NEDD4L: variants seen among roughly 807,000 people sequenced by gnomAD.
The protein encoded by NEDD4L is E3 ubiquitin-protein ligase NEDD4-like.
NEDD4L carries 54 observed loss-of-function variants against 148.9 expected under a neutral mutation model. The ratio of observed to expected loss-of-function variants is 0.36; its 90% CI spans 0.29 to 0.45. The LOEUF (loss-of-function observed/expected upper bound fraction) is 0.45, where lower values mean the gene tolerates loss of function less well. NEDD4L is among the 20% of genes least tolerant of loss of function. The pLI is 1.00. For missense variants in NEDD4L, 856 were observed against 1,233.8 expected (o/e 0.69, Z 4.59); for synonymous variants, 433 against 440.7 (o/e 0.98, Z 0.22).
At chr18:58,309,658 C>T (rs1431869170) in intron 5 of NEDD4L, among the ~76,000 whole-genome samples, 1 of 151,766 alleles carries the variant, frequency 6.6e-6, no homozygotes, top group Non-Finnish European at 1.5e-5. Flanking sequence ...CCCCCAGTTT[C>T]CTGGGTCTTA....
rs141645124 is a variant in NEDD4L at position 58,364,213 on chromosome 18, A to G, written c.1768-55A>G. On this transcript the variant is annotated intron_variant, in intron 19 of 30. Transcript: ENST00000400345. The stretch of plus-strand genomic sequence containing the variant: ...TCTCTTGAATGTTGCCTCAGTATAC[A>G]TAAAATTTCAGGTGTATTGTTTGCA... 8.8e-5 allele frequency: 94 copies of G among 1,062,634 alleles called. 1 individual carries two copies. Among genetic ancestry groups the G allele is most frequent in the Middle Eastern group, 7.0e-4 (3 of 4,304 alleles). 65.8% of individuals were successfully genotyped at this position (1,062,634 alleles called of 1,614,324 possible). A position where few individuals can be genotyped will look rare whatever the true frequency, so the allele number is the denominator to read the frequency against.
At chr18:58,307,481 A>G (rs879867756) in intron 5 of NEDD4L, among the ~76,000 whole-genome samples, 37 of 152,222 alleles carry the variant, frequency 2.4e-4, no homozygotes, top group Admixed American at 2.3e-3. Context: ...GCCAATGCCT[A>G]CATTGAGGCT....
intron 26 of NEDD4L, 65 bp downstream of exon 26, chr18:58,385,651 C>T (rs1196273610): frequency 1.9e-5 from 25 of 1,326,634 alleles, no homozygotes; most frequent in Non-Finnish European, 2.4e-5. Flanking sequence ...GGGGATCGCG[C>T]TTCTCCTTTA....
intron 2 of NEDD4L, among the ~76,000 whole-genome samples, chr18:58,236,188 C>A (rs1370766253): frequency 1.3e-5 from 2 of 151,700 alleles, no homozygotes; most frequent in Admixed American, 6.6e-5. Flanking sequence ...AACCTCGTCT[C>A]TACAAAAAAT....
chr18:58,245,227 A>G (rs1478693321), intron 2 of NEDD4L, among the ~76,000 whole-genome samples, 200 bp from the exon 3 acceptor site: 1 of 152,226 alleles, frequency 6.6e-6, no homozygotes. Flanking sequence ...TTCTAAGTAA[A>G]CATTATTGGC....
intron 1 of NEDD4L, among the ~76,000 whole-genome samples, chr18:58,131,796 ATTTTGTGTTT>A (rs1358285077): frequency 4.0e-5 from 6 of 151,444 alleles, no homozygotes; most frequent in Middle Eastern, 3.2e-3. Context: ...TCAAAGTTGG[ATTTTGTGTTT>A]TTTTGTGTGC....
chr18:58,359,256 C>T (rs1308009388), intron 19 of NEDD4L, among the ~76,000 whole-genome samples: 1 of 152,046 alleles, frequency 6.6e-6, no homozygotes, highest in Non-Finnish European at 1.5e-5. Context: ...GATATTTTAT[C>T]TTCTTTCTTG....
At chr18:58,200,829 A>G (rs1245815674) in intron 2 of NEDD4L, among the ~76,000 whole-genome samples, 1 of 152,168 alleles carries the variant, frequency 6.6e-6, no homozygotes, top group Non-Finnish European at 1.5e-5. Context: ...AGATAATATA[A>G]AATGTATTTG....
At chr18:58,198,980 C>T (rs570521418) in intron 2 of NEDD4L, among the ~76,000 whole-genome samples, 5 of 152,172 alleles carry the variant, frequency 3.3e-5, no homozygotes, top group East Asian at 1.9e-4. Context: ...TTAGTAGAGA[C>T]GGGGTTTTGC....
intron 1 of NEDD4L, among the ~76,000 whole-genome samples, chr18:58,069,079 T>A (rs1202894408): frequency 7.2e-6 from 1 of 139,236 alleles, no homozygotes; most frequent in East Asian, 2.0e-4. Flanking sequence ...GAGGTTGCAG[T>A]GAGCCAAGAT....
chr18:58,237,138 CTG>C (rs1213801792), intron 2 of NEDD4L, among the ~76,000 whole-genome samples: 1 of 152,072 alleles, frequency 6.6e-6, no homozygotes, highest in African/African-American at 2.4e-5. Context: ...ATTAGAAACA[CTG>C]TTGTCTGATT....
At chr18:58,152,028 T>A (rs1194744987) in intron 1 of NEDD4L, among the ~76,000 whole-genome samples, 2 of 152,048 alleles carry the variant, frequency 1.3e-5, no homozygotes, top group Non-Finnish European at 2.9e-5. Context: ...AAAAATTCGA[T>A]GAGATAAAGT....
chr18:58,188,454 C>T (rs1336922661), intron 2 of NEDD4L, among the ~76,000 whole-genome samples: 1 of 152,180 alleles, frequency 6.6e-6, no homozygotes, highest in Non-Finnish European at 1.5e-5. Context: ...TCCACCTCTG[C>T]AGACTGGGAA....
chr18:58,104,359 C>T (rs2084942760), intron 1 of NEDD4L, among the ~76,000 whole-genome samples: 1 of 152,184 alleles, frequency 6.6e-6, no homozygotes, highest in African/African-American at 2.4e-5. Flanking sequence ...TGAGGAACAA[C>T]TGCTTAATGG....
At chr18:58,105,455 C>A (rs534785406) in intron 1 of NEDD4L, among the ~76,000 whole-genome samples, 143 of 152,246 alleles carry the variant, frequency 9.4e-4, no homozygotes, top group Middle Eastern at 3.4e-3. Flanking sequence ...CTGGCAGTGC[C>A]TAGCAACGGC....
chr18:58,084,671 T>TTGTGTGGGTGTGTG, intron 1 of NEDD4L, among the ~76,000 whole-genome samples: 1 of 133,824 alleles, frequency 7.5e-6, no homozygotes, highest in South Asian at 2.6e-4. Flanking sequence ...TGTGGGGTTT[T>TTGTGTGGGTGTGTG]TGTGTGTGTG....
At chr18:58,127,764 A>C (rs999600019) in intron 1 of NEDD4L, among the ~76,000 whole-genome samples, 7 of 148,434 alleles carry the variant, frequency 4.7e-5, no homozygotes, top group Non-Finnish European at 7.4e-5. Flanking sequence ...TGGTGTGAAC[A>C]CGGGAGGCGG....
rs1337850300 is a variant in NEDD4L at position 58,399,206 on chromosome 18, G to A, written c.*2937G>A. On this transcript the variant is annotated 3_prime_UTR_variant, in exon 31 of 31. Transcript: ENST00000400345. ...TGGTGGGATGAAGGTCCAACAGCCTGTGCCTCTCCACTGCTGGCCCTGGAG... is the reference window on the plus strand; with the variant it reads ...TGGTGGGATGAAGGTCCAACAGCCTATGCCTCTCCACTGCTGGCCCTGGAG... 6.6e-6 allele frequency: 1 copy of A among 152,230 alleles called. No homozygotes were observed. Among genetic ancestry groups the A allele is most frequent in the Non-Finnish European group, 1.5e-5 (1 of 68,062 alleles). The allele number at this position is 152,230 out of a possible 1,614,324, so 9.4% of individuals were successfully genotyped here.
At chr18:58,101,801 AAG>A (rs1568217109) in intron 1 of NEDD4L, among the ~76,000 whole-genome samples, 1 of 152,184 alleles carries the variant, frequency 6.6e-6, no homozygotes. Flanking sequence ...ACTGTAAACC[AAG>A]AGAGAGAATG....
Sources: allele counts gnomAD v4.1 joint callset (sites outside exome capture counted in the v4.1 genomes callset), GRCh38; gene constraint gnomAD v4.1.1; transcripts MANE v1.5; gene names NCBI Gene and HGNC (gene_info 2026-07-23, HGNC 2026-07-21).